The following PLXNA4 variants were observed in gnomAD, a reference collection of about 807,000 sequenced individuals.
PLXNA4 encodes plexin-A4.
In PLXNA4, 44 loss-of-function variants were observed where a neutral mutation model predicts 191.8. The observed-to-expected ratio is 0.23, with a 90% CI of 0.18 to 0.29. PLXNA4 has a LOEUF of 0.29. PLXNA4 is among the 10% of genes least tolerant of loss of function. The pLI is 1.00. For missense variants in PLXNA4, 1,800 were observed against 2,488.8 expected (o/e 0.72, Z 5.89); for synonymous variants, 1,082 against 1,009.5 (o/e 1.07, Z -1.36).
Position 132,647,175 on chromosome 7 carries a change from CCA to C in PLXNA4, c.-202-1134_-202-1133del, listed in dbSNP as rs1339605423. On this transcript the variant is annotated intron_variant, in intron 1 of 4. Transcript: ENST00000378539. ...CACACATATATATACATTCACAAAC[CCA>C]CAGTCATACATTCACAAACACCCAC... is the stretch of plus-strand genomic sequence containing the variant. Among the ~76,000 whole-genome samples, 9 of 144,922 alleles carry C rather than the reference CCA, an allele frequency of 6.2e-5. No individual in the cohort carries two copies. The East Asian group carries it at 1.7e-3, about 27-fold the overall frequency.
Position 132,180,068 on chromosome 7 carries a change from G to A in PLXNA4, c.3640-147C>T, listed in dbSNP as rs868119043. 1.6e-4 allele frequency: 227 copies of A among 1,385,900 alleles called. No individual in the cohort carries two copies. In the Middle Eastern group the frequency reaches 2.1e-3, roughly 13 times the overall value. 85.9% of individuals were successfully genotyped at this position (1,385,900 alleles called of 1,614,324 possible). A position where few individuals can be genotyped will look rare whatever the true frequency, so the allele number is the denominator to read the frequency against. On this transcript the variant is annotated intron_variant, in intron 19 of 31. Coordinates refer to ENST00000321063, the MANE Select transcript of PLXNA4 (RefSeq NM_020911.2). ...GTCAAAATAGACAAGAGGGCATGGG[G>A]GGCTGGGAGCGGGGACAGGCACAGC...
chr7:132,363,639 A>T (rs1452971087), intron 3 of PLXNA4, among the ~76,000 whole-genome samples: 1 of 152,212 alleles, frequency 6.6e-6, no homozygotes, highest in Non-Finnish European at 1.5e-5. Flanking sequence ...TTTTGCGAGT[A>T]ATTCTACTAT....
chr7:132,306,269 A>G (rs1273969916), intron 3 of PLXNA4, among the ~76,000 whole-genome samples: 1 of 152,140 alleles, frequency 6.6e-6, no homozygotes, highest in Non-Finnish European at 1.5e-5. Flanking sequence ...CAAAAGGGAG[A>G]CTTCATTGGG....
intron 3 of PLXNA4, among the ~76,000 whole-genome samples, chr7:132,463,115 T>C (rs1331221139): frequency 6.6e-6 from 1 of 152,088 alleles, no homozygotes; most frequent in Non-Finnish European, 1.5e-5. Context: ...CCTCTCAAAG[T>C]GCTAGGATTA....
chr7:132,410,088 A>G (rs1359947124), intron 3 of PLXNA4, among the ~76,000 whole-genome samples: 1 of 152,198 alleles, frequency 6.6e-6, no homozygotes, highest in Non-Finnish European at 1.5e-5. Context: ...GGAGGAATTT[A>G]GGCTTGGATC....
chr7:132,566,691 A>G (rs1231518950), intron 1 of PLXNA4, among the ~76,000 whole-genome samples: 4 of 152,228 alleles, frequency 2.6e-5, no homozygotes, highest in Non-Finnish European at 5.9e-5. Context: ...TGTGCAACCA[A>G]AAAGTGCCAC....
At chr7:132,354,276 G>A (rs1417980411) in intron 3 of PLXNA4, among the ~76,000 whole-genome samples, 13 of 152,162 alleles carry the variant, frequency 8.5e-5, no homozygotes, top group Non-Finnish European at 1.9e-4. Flanking sequence ...CCACAAACAT[G>A]TATCCCTGTG....
At chr7:132,362,283 C>T (rs982598393) in intron 3 of PLXNA4, among the ~76,000 whole-genome samples, 1 of 152,214 alleles carries the variant, frequency 6.6e-6, no homozygotes, top group Non-Finnish European at 1.5e-5. Context: ...GGTAGAGCTG[C>T]TACAATCTCA....
intron 3 of PLXNA4, among the ~76,000 whole-genome samples, chr7:132,465,910 G>T (rs1796682464): frequency 6.6e-6 from 1 of 152,132 alleles, no homozygotes; most frequent in African/African-American, 2.4e-5. Flanking sequence ...GGAGGCTAGG[G>T]AAACAGAGAC....
At chr7:132,311,553 G>A (rs925950573) in intron 3 of PLXNA4, among the ~76,000 whole-genome samples, 2 of 152,058 alleles carry the variant, frequency 1.3e-5, no homozygotes, top group East Asian at 3.9e-4. Context: ...CTAAAAGTAG[G>A]CACTGTAATG....
chr7:132,332,428 C>T (rs933672386), intron 3 of PLXNA4, among the ~76,000 whole-genome samples: 13 of 152,202 alleles, frequency 8.5e-5, no homozygotes, highest in South Asian at 2.1e-4. Context: ...AGCCTTGTCC[C>T]GGCTGGCTGA....
At chr7:132,240,143 A>C (rs1016395582) in intron 5 of PLXNA4, among the ~76,000 whole-genome samples, 2 of 152,198 alleles carry the variant, frequency 1.3e-5, no homozygotes, top group Non-Finnish European at 2.9e-5. Flanking sequence ...TTTTCTTCTT[A>C]ATTTATAATG....
intron 3 of PLXNA4, among the ~76,000 whole-genome samples, chr7:132,414,740 C>T (rs992191056): frequency 2.0e-5 from 3 of 152,116 alleles, no homozygotes; most frequent in African/African-American, 7.2e-5. Context: ...GCAAGAAGAA[C>T]AGAGACACTG....
intron 3 of PLXNA4, among the ~76,000 whole-genome samples, chr7:132,417,354 G>A (rs1794694645): frequency 6.6e-6 from 1 of 152,144 alleles, no homozygotes; most frequent in Non-Finnish European, 1.5e-5. Flanking sequence ...TTAGGATTGG[G>A]GCTGCCTCCT....
intron 9 of PLXNA4, among the ~76,000 whole-genome samples, chr7:132,212,794 C>T (rs1424239366): frequency 2.6e-5 from 4 of 152,130 alleles, no homozygotes; most frequent in African/African-American, 7.2e-5. Flanking sequence ...CATGGGAGTG[C>T]CCCAGGCCCA....
At chr7:132,373,391 A>G (rs2116907742) in intron 3 of PLXNA4, among the ~76,000 whole-genome samples, 1 of 152,272 alleles carries the variant, frequency 6.6e-6, no homozygotes, top group East Asian at 1.9e-4. Context: ...ATGCCCTAAG[A>G]TTCTATGATT....
Position 132,210,847 on chromosome 7 carries a change from G to T in PLXNA4, c.2298+96C>A. The T allele has an allele frequency of 3.6e-6, 5 of 1,374,826 alleles. No homozygotes were observed. In the South Asian group the frequency reaches 6.4e-5, roughly 18 times the overall value. The allele number at this position is 1,374,826 out of a possible 1,614,324, so 85.2% of individuals were successfully genotyped here. On this transcript the variant is annotated intron_variant, in intron 10 of 31. Transcript: ENST00000321063. ...GCAGTTTTGTGCGTGTTGAGGAAAC[G>T]ACTGCAGGGCTGAGCTGATTTGGCT... is the stretch of plus-strand genomic sequence containing the variant.
chr7:132,328,651 C>T (rs188974893), intron 3 of PLXNA4, among the ~76,000 whole-genome samples: 1 of 152,124 alleles, frequency 6.6e-6, no homozygotes, highest in Non-Finnish European at 1.5e-5. Flanking sequence ...GTCATGGTGG[C>T]GAAACTGGAA....
intron 9 of PLXNA4, among the ~76,000 whole-genome samples, chr7:132,216,184 T>C (rs1797957444): frequency 1.3e-5 from 2 of 152,230 alleles, no homozygotes; most frequent in Admixed American, 6.5e-5. Flanking sequence ...GGAGAATTGC[T>C]TGGTGTAGAA....
Sources: allele counts gnomAD v4.1 joint callset (sites outside exome capture counted in the v4.1 genomes callset), GRCh38; gene constraint gnomAD v4.1.1; transcripts MANE v1.5; gene names NCBI Gene and HGNC (gene_info 2026-07-23, HGNC 2026-07-21).